Variants in EPN2 observed in about 807,000 individuals in gnomAD.
EPN2 encodes the protein epsin 2, also known as epsin-2.
EPN2 carries 34 observed loss-of-function variants against 61.7 expected under a neutral mutation model. That is an observed-to-expected ratio of 0.55 (90% confidence interval 0.42 to 0.73). EPN2 has a LOEUF of 0.73. Ranked by LOEUF, EPN2 falls within the 30% of genes least tolerant of loss-of-function variation. The pLI is 0.00. For synonymous variants in EPN2, 349 were observed against 353.6 expected, an observed-to-expected ratio of 0.99 and a Z score of 0.15; for missense variants, 714 against 839.2, an observed-to-expected ratio of 0.85 and a Z score of 1.84.
chr17:19,276,280 T>TG (rs2045304003), intron 1 of EPN2: 1 of 151,368 alleles, frequency 6.6e-6, no homozygotes, highest in Admixed American at 6.6e-5. Flanking sequence ...CTCCATCTCC[T>TG]GGGCTCAAGG....
chr17:19,288,751 G>A (rs1597996895), intron 4 of EPN2, among the ~76,000 whole-genome samples: 1 of 152,190 alleles, frequency 6.6e-6, no homozygotes, highest in Admixed American at 6.5e-5. Flanking sequence ...CATCCAGACG[G>A]GTCCTTTTGT....
chr17:19,302,588 G>T (rs1234125449), intron 4 of EPN2, among the ~76,000 whole-genome samples: 1 of 152,188 alleles, frequency 6.6e-6, no homozygotes, highest in African/African-American at 2.4e-5. Context: ...CTGTGTAGTT[G>T]CAAGGAAACA....
At chr17:19,277,908 T>C (rs2045323733) in intron 1 of EPN2, among the ~76,000 whole-genome samples, 1 of 151,818 alleles carries the variant, frequency 6.6e-6, no homozygotes, top group African/African-American at 2.4e-5. Context: ...TCGTCTCCAC[T>C]AAAAATACAA....
chr17:19,301,585 ACT>A (rs1185782775), intron 4 of EPN2, among the ~76,000 whole-genome samples: 1 of 151,846 alleles, frequency 6.6e-6, no homozygotes, highest in Non-Finnish European at 1.5e-5. Context: ...CCCACTTAAG[ACT>A]CTCCAAAGCA....
At chr17:19,291,755 A>G (rs906909138) in intron 4 of EPN2, among the ~76,000 whole-genome samples, 1 of 152,154 alleles carries the variant, frequency 6.6e-6, no homozygotes, top group African/African-American at 2.4e-5. Context: ...CTTAAACCCA[A>G]TGGGGACTTG....
intron 7 of EPN2, among the ~76,000 whole-genome samples, chr17:19,320,019 G>A (rs1352185206): frequency 6.6e-6 from 1 of 152,276 alleles, no homozygotes; most frequent in Non-Finnish European, 1.5e-5. Flanking sequence ...GGCGAAGCCT[G>A]AGGGACCTGG....
intron 7 of EPN2, among the ~76,000 whole-genome samples, chr17:19,326,513 C>T (rs1258445257): frequency 7.2e-5 from 11 of 151,990 alleles, no homozygotes; most frequent in Middle Eastern, 3.4e-3. Context: ...GGTGAAACCC[C>T]GTCTCTCCTA....
intron 7 of EPN2, among the ~76,000 whole-genome samples, chr17:19,322,755 A>T (rs111365518): frequency 0.014 from 2,061 of 151,946 alleles, 51 homozygotes; most frequent in African/African-American, 0.046. Context: ...AAAAAAAAAA[A>T]AAAAGGTAGT....
intron 1 of EPN2, among the ~76,000 whole-genome samples, chr17:19,253,985 A>G (rs2045045112): frequency 6.6e-6 from 1 of 151,916 alleles, no homozygotes; most frequent in African/African-American, 2.4e-5. Context: ...ATACAAAATT[A>G]GCCAGGTGTG....
chr17:19,266,409 T>TA (rs1416536739), intron 1 of EPN2, among the ~76,000 whole-genome samples: 15 of 151,284 alleles, frequency 9.9e-5, no homozygotes, highest in East Asian at 7.7e-4. Flanking sequence ...TATTTTATTT[T>TA]TTTTTTTTTT....
chr17:19,249,101 C>T (rs1005683875), intron 1 of EPN2, among the ~76,000 whole-genome samples: 1 of 152,232 alleles, frequency 6.6e-6, no homozygotes. Flanking sequence ...TGAGGTTTGA[C>T]TCATGGGCTG....
chr17:19,254,247 T>C lies in EPN2; in HGVS notation c.-294+16716T>C, dbSNP rs146598834. ...AAGGAAAGGAAGGAAGGAGAACTTA[T>C]AACTGAAGTATAGTAAATGTAACAG... On this transcript the variant is annotated intron_variant, in intron 1 of 10. Transcript: ENST00000314728. Among the ~76,000 whole-genome samples the C allele has an allele frequency of 4.0e-3, 610 of 151,948 alleles. 6 individuals carry two copies. Among genetic ancestry groups the C allele is most frequent in the Non-Finnish European group, 6.9e-3 (467 of 67,916 alleles).
intron 4 of EPN2, among the ~76,000 whole-genome samples, chr17:19,302,062 T>C (rs917617960): frequency 1.1e-4 from 16 of 152,160 alleles, no homozygotes; most frequent in Admixed American, 7.9e-4. Context: ...TCCTCATCAG[T>C]GGGAAGGGTT....
intron 7 of EPN2, chr17:19,313,570 T>G (rs571579569): frequency 2.7e-6 from 1 of 363,808 alleles, no homozygotes; most frequent in East Asian, 4.3e-5. Context: ...TGGGACATGT[T>G]TCAACTCTTG....
chr17:19,287,535 G>C (rs7217929), intron 4 of EPN2, among the ~76,000 whole-genome samples: 2,116 of 152,228 alleles, frequency 0.014, 35 homozygotes, highest in South Asian at 0.066. Context: ...CTTTCTTGAT[G>C]CTTCACAAAG....
At chr17:19,321,068 C>T (rs1267693541) in intron 7 of EPN2, among the ~76,000 whole-genome samples, 1 of 152,158 alleles carries the variant, frequency 6.6e-6, no homozygotes, top group Non-Finnish European at 1.5e-5. Flanking sequence ...GGCATGAGTG[C>T]CCTGAGAAGG....
At chr17:19,256,419 C>CAAAA (rs61210278) in intron 1 of EPN2, among the ~76,000 whole-genome samples, 3 of 67,948 alleles carry the variant, frequency 4.4e-5, no homozygotes, top group Admixed American at 1.6e-4. Flanking sequence ...GACCCTGTCT[C>CAAAA]AAAAAAAAAA....
chr17:19,250,185 C>T (rs1379961348), intron 1 of EPN2, among the ~76,000 whole-genome samples: 3 of 151,994 alleles, frequency 2.0e-5, no homozygotes, highest in Non-Finnish European at 4.4e-5. Context: ...ACCTCCGCCT[C>T]CCTGGTTCAA....
At chr17:19,258,752 T>C (rs2045109096) in intron 1 of EPN2, among the ~76,000 whole-genome samples, 1 of 152,184 alleles carries the variant, frequency 6.6e-6, no homozygotes, top group African/African-American at 2.4e-5. Context: ...TGTGAGACCC[T>C]GTGAGCAGGG....
Sources: gnomAD v4.1 joint callset for allele counts (sites outside exome capture counted in the v4.1 genomes callset) on GRCh38, gnomAD v4.1.1 for gene constraint, MANE v1.5 for transcripts, NCBI Gene and HGNC (gene_info 2026-07-23, HGNC 2026-07-21) for gene names.